Variants in KDM5C observed in about 807,000 individuals in gnomAD.
The protein encoded by KDM5C is lysine demethylase 5C.
In KDM5C, 16 loss-of-function variants were observed where a neutral mutation model predicts 110.6. The ratio of observed to expected loss-of-function variants is 0.14; its 90% confidence interval spans 0.10 to 0.22. KDM5C has a LOEUF of 0.22. KDM5C is among the 10% of genes least tolerant of loss of function. The pLI is 1.00. For missense variants in KDM5C, 681 were observed against 1,300.9 expected, an observed-to-expected ratio of 0.52 and a Z score of 7.33; for synonymous variants, 511 against 520.4, an observed-to-expected ratio of 0.98 and a Z score of 0.24.
In KDM5C at chrX:53,192,872, C is replaced by CAA; in HGVS notation, c.*94_*95insTT. On this transcript the variant is annotated 3_prime_UTR_variant, in exon 26 of 26. Transcript: ENST00000375401. ...TAGCAGGGATGGCCACCCCCCTACCCGCCCACCCCCCAAGAAGCAGGCTTG... is the reference window on the plus strand; with the variant it reads ...TAGCAGGGATGGCCACCCCCCTACCCAAGCCCACCCCCCAAGAAGCAGGCTTG... 1 of 810,323 alleles carries CAA rather than the reference C, an allele frequency of 1.2e-6. No individual in the cohort carries two copies. Among genetic ancestry groups the CAA allele is most frequent in the Non-Finnish European group, 1.7e-6 (1 of 602,878 alleles). The allele number at this position is 810,323 out of a possible 1,213,427, so 66.8% of individuals were successfully genotyped here.
At chrX:53,206,413 T>C (rs1442126450) in intron 12 of KDM5C, among the ~76,000 whole-genome samples, 5 of 111,671 alleles carry the variant, frequency 4.5e-5, no homozygotes, top group Middle Eastern at 4.6e-3. Flanking sequence ...TCCATAAATT[T>C]ACTGGATTGT....
chrX:53,193,156 C>T lies in KDM5C; in HGVS notation c.4494G>A (p.Leu1498=), dbSNP rs1934547641. ...EAEEVQEEEE[L]EEETGGEGPP... is the part of the protein sequence containing the mutation. The stretch of plus-strand genomic sequence containing the variant: ...GGCCCTCACCCCCAGTCTCCTCCTC[C>T]AGCTCTTCCTCCTCCTGGACCTCCT... Residue 1498 remains leucine (L), a synonymous_variant, in exon 26 of 26, where the codon CTG becomes CTA. Coordinates refer to ENST00000375401, the MANE Select transcript of KDM5C (RefSeq NM_004187.5). 1.2e-5 allele frequency: 14 copies of T among 1,208,282 alleles called. No individual in the cohort carries two copies. The highest frequency in any genetic ancestry group is 1.8e-5 in the African/African-American group (1 of 56,620).
chrX:53,195,027 C>T lies in KDM5C; in HGVS notation c.3342G>A (p.Lys1114=), dbSNP rs782099849. Reference sequence around the variant, plus strand: ...GCTCCTTCTCCATCCACCGGCTGCGCTTGGTGCTGTCTGAGCCGGCATCTG... The same window carrying T: ...GCTCCTTCTCCATCCACCGGCTGCGTTTGGTGCTGTCTGAGCCGGCATCTG... ...PCADAGSDST[K]RSRWMEKELG... is the part of the protein sequence containing the mutation. The change falls in exon 22 of 26, where the codon AAG becomes AAA. Residue 1114 remains lysine (K), a synonymous_variant. Coordinates refer to ENST00000375401, the MANE Select transcript of KDM5C (RefSeq NM_004187.5). 8.3e-7 allele frequency: 1 copy of T among 1,207,758 alleles called. No homozygotes were observed. The highest frequency in any genetic ancestry group is 3.0e-5 in the East Asian group (1 of 33,693).
chrX:53,216,669 G>A (rs1206796399), intron 5 of KDM5C, among the ~76,000 whole-genome samples: 2 of 111,784 alleles, frequency 1.8e-5, no homozygotes, highest in Non-Finnish European at 3.8e-5. Flanking sequence ...GCTGGGAACA[G>A]TGGTACACAC....
intron 12 of KDM5C, among the ~76,000 whole-genome samples, chrX:53,204,509 T>A (rs1556844137): frequency 9.0e-6 from 1 of 111,269 alleles, no homozygotes; most frequent in Non-Finnish European, 1.9e-5. Flanking sequence ...CACAGCTTTT[T>A]TTTTTGAGAC....
downstream of KDM5C, among the ~76,000 whole-genome samples, chrX:53,191,117 A>C (rs1450807302): frequency 8.9e-6 from 1 of 111,878 alleles, no homozygotes; most frequent in Admixed American, 9.5e-5. Context: ...ATCTGATACA[A>C]GCTGGTTAGT....
intron 12 of KDM5C, among the ~76,000 whole-genome samples, chrX:53,209,246 C>T (rs1294385576): frequency 9.0e-6 from 1 of 110,910 alleles, no homozygotes; most frequent in Admixed American, 9.6e-5. Flanking sequence ...GAACTCAAGC[C>T]CTTGATCATC....
intron 12 of KDM5C, among the ~76,000 whole-genome samples, chrX:53,207,178 CAAAAAAAA>C (rs56948247): frequency 5.0e-5 from 2 of 40,301 alleles, no homozygotes; most frequent in African/African-American, 2.0e-4. Flanking sequence ...ACTCCTTCTC[CAAAAAAAA>C]AAAAAAAAAA....
Position 53,201,748 on chromosome X carries a change from T to G in KDM5C, c.1867-4A>C. On this transcript the variant is annotated splice_region_variant and splice_polypyrimidine_tract_variant and intron_variant, in intron 13 of 25. Coordinates refer to ENST00000375401, the MANE Select transcript of KDM5C (RefSeq NM_004187.5). Reference sequence around the variant, plus strand: ...TGCACTGGCGCCCAGCAGGCAACTGTGGGCAGGTTCAAGGTTGAGTGTGGC... The same window carrying G: ...TGCACTGGCGCCCAGCAGGCAACTGGGGGCAGGTTCAAGGTTGAGTGTGGC... The G allele has an allele frequency of 3.3e-6, 4 of 1,211,820 alleles. No individual in the cohort carries two copies. The highest frequency in any genetic ancestry group is 4.5e-6 in the Non-Finnish European group (4 of 895,454).
intron 25 of KDM5C, among the ~76,000 whole-genome samples, chrX:53,184,623 C>T (rs1366055601): frequency 9.0e-6 from 1 of 111,706 alleles, no homozygotes; most frequent in Non-Finnish European, 1.9e-5. Context: ...TTACCTTGAT[C>T]GATTTTCTTA....
Position 53,196,755 on chromosome X carries a change from G to A in KDM5C, c.2912C>T (p.Ala971Val), listed in dbSNP as rs782343128. The A allele has an allele frequency of 2.5e-6, 3 of 1,212,366 alleles. No individual in the cohort carries two copies. The Admixed American group carries it at 6.5e-5, about 26-fold the overall frequency. ...APSPAVDKAQAELQELLTIAE... is the reference protein window; with the variant it reads ...APSPAVDKAQVELQELLTIAE... ...AATGGTCAGCAGTTCCTGCAGCTCG[G>A]CCTGGGCTTTATCCACAGCAGGGCT... Residue 971 changes from alanine (A) to valine (V), a missense_variant, in exon 19 of 26, where the codon GCC becomes GTC. Physicochemically the swap from Ala to Val is moderately conservative, Grantham distance 64. Around this residue, in one of 14 missense-constraint regions of KDM5C, gnomAD observed 66 missense variants for 162.9 expected, o/e 0.41. Coordinates refer to ENST00000375401, the MANE Select transcript of KDM5C (RefSeq NM_004187.5).
chrX:53,180,687 C>T (rs916696292), intron 25 of KDM5C, among the ~76,000 whole-genome samples: 1 of 101,874 alleles, frequency 9.8e-6, no homozygotes, highest in African/African-American at 3.6e-5. Context: ...CTCAGCCACC[C>T]GAGTAGCTGG....
Position 53,198,644 on chromosome X carries a change from G to A in KDM5C, c.2369-7C>T. ...GCCCTCAGTTCTTCAAGGCCTGGAA[G>A]AAAAATGAGGGCAGCAAAGAGTAGG... On this transcript the variant is annotated splice_region_variant and splice_polypyrimidine_tract_variant and intron_variant, in intron 16 of 25. Transcript: ENST00000375401. 8.3e-7 allele frequency: 1 copy of A among 1,211,992 alleles called. No homozygotes were observed. The highest frequency in any genetic ancestry group is 1.1e-6 in the Non-Finnish European group (1 of 895,546).
chrX:53,193,817 G>C lies in KDM5C; in HGVS notation c.4073C>G (p.Thr1358Ser). 2 of 1,211,080 alleles carry C rather than the reference G, an allele frequency of 1.7e-6. No homozygotes were observed. Among genetic ancestry groups the C allele is most frequent in the African/African-American group, 3.5e-5 (2 of 57,749 alleles). Reference protein sequence around the residue: ...QGLLENGDSVTSPEKVAPEEG... With the variant: ...QGLLENGDSVSSPEKVAPEEG... ...CTCCGGGGCTACCTTCTCAGGACTG[G>C]TCACACTGTCTCCATTCTCCAGTAA... The change falls in exon 24 of 26, where the codon ACC (threonine) becomes AGC (serine). Residue 1358 changes from threonine to serine, a missense_variant. Thr to Ser is a moderately conservative substitution (Grantham distance 58). Transcript: ENST00000375401.
chrX:53,210,340 A>ACCG (rs1330884722), intron 12 of KDM5C, 74 bp downstream of exon 12: 2 of 1,151,753 alleles, frequency 1.7e-6, no homozygotes, highest in Non-Finnish European at 2.4e-6. Context: ...GATGACAACC[A>ACCG]CCGCCACCAC....
chrX:53,201,327 T>C, intron 14 of KDM5C: 1 of 439,817 alleles, frequency 2.3e-6, no homozygotes. Context: ...AAGATAAGCA[T>C]TATCATAATC....
chrX:53,212,002 G>A, intron 8 of KDM5C, 96 bp from the exon 9 acceptor site: 1 of 1,063,021 alleles, frequency 9.4e-7, no homozygotes, highest in South Asian at 2.0e-5. Flanking sequence ...GGAGGGAGAA[G>A]AGCCCTAGGT....
rs1193222896 is a variant in KDM5C at position 53,197,711 on chromosome X, G to A, written c.2622+60C>T. 8 of 938,079 alleles carry A rather than the reference G, an allele frequency of 8.5e-6. No individual in the cohort carries two copies. In the African/African-American group the frequency reaches 1.4e-4, roughly 16 times the overall value. 77.3% of individuals were successfully genotyped at this position (938,079 alleles called of 1,213,427 possible). A position where few individuals can be genotyped will look rare whatever the true frequency, so the allele number is the denominator to read the frequency against. On this transcript the variant is annotated intron_variant, in intron 18 of 25. Coordinates refer to ENST00000375401, the MANE Select transcript of KDM5C (RefSeq NM_004187.5). ...AAGCTTTTGAAAGGAGCCAAGCATG[G>A]CCTGCTGCTCAGGTCCCCTGGTCCC...
intron 12 of KDM5C, among the ~76,000 whole-genome samples, chrX:53,205,962 C>T (rs893380991): frequency 2.9e-4 from 33 of 112,240 alleles, no homozygotes; most frequent in Non-Finnish European, 4.7e-4. Flanking sequence ...AGGAGTAGAA[C>T]TTGATGCTCA....
Sources: gnomAD v4.1 joint callset for allele counts (sites outside exome capture counted in the v4.1 genomes callset) on GRCh38, gnomAD v4.1.1 for gene constraint, gnomAD v4.1.1 regional missense constraint, MANE v1.5 for transcripts, NCBI Gene and HGNC (gene_info 2026-07-23, HGNC 2026-07-21) for gene names.